Variants in SPAG16 observed in about 807,000 individuals in gnomAD.
SPAG16 encodes the protein sperm associated antigen 16.
SPAG16 carries 86 observed loss-of-function variants against 80.4 expected under a neutral mutation model. The ratio of observed to expected loss-of-function variants is 1.07; its 90% CI spans 0.90 to 1.28. SPAG16 has a LOEUF of 1.28. Among genes scored for constraint, SPAG16 ranks in the 50% most tolerant of loss-of-function variants. The probability of loss-of-function intolerance (pLI) is 0.00; values close to 1 mark genes in which losing one functional copy is unlikely to be tolerated. For missense variants in SPAG16, 870 were observed against 765.3 expected, an observed-to-expected ratio of 1.14 and a Z score of -1.61; for synonymous variants, 294 against 265.9, an observed-to-expected ratio of 1.11 and a Z score of -1.03.
intron 10 of SPAG16, among the ~76,000 whole-genome samples, chr2:213,554,352 C>T (rs2059356824): frequency 6.6e-6 from 1 of 152,236 alleles, no homozygotes; most frequent in African/African-American, 2.4e-5. Flanking sequence ...CAGTAAGTTC[C>T]CTTGCAACAA....
At chr2:213,341,458 TA>T (rs2064683295) in intron 6 of SPAG16, among the ~76,000 whole-genome samples, 1 of 152,198 alleles carries the variant, frequency 6.6e-6, no homozygotes, top group African/African-American at 2.4e-5. Context: ...TGTAAACCAT[TA>T]AATGTTTACC....
chr2:214,123,829 G>A (rs1275570475), intron 14 of SPAG16, among the ~76,000 whole-genome samples: 1 of 151,990 alleles, frequency 6.6e-6, no homozygotes, highest in Non-Finnish European at 1.5e-5. Context: ...TGACAACATG[G>A]TCCCGTGGAG....
chr2:213,516,377 G>C lies in SPAG16; in HGVS notation c.1070+26287G>C, dbSNP rs559262988. On this transcript the variant is annotated intron_variant, in intron 10 of 15. Coordinates refer to ENST00000331683, the MANE Select transcript of SPAG16 (RefSeq NM_024532.5). The stretch of plus-strand genomic sequence containing the variant: ...CATCTGATAACAAAATGAAGCCCAA[G>C]TTCTTTTGTAACATTTTATCTTTTT... Among the ~76,000 whole-genome samples the C allele has an allele frequency of 4.1e-5, 6 of 148,006 alleles. 1 individual carries two copies. The highest frequency in any genetic ancestry group is 2.0e-4 in the Admixed American group (3 of 14,788).
At chr2:213,738,043 A>T (rs1276541135) in intron 10 of SPAG16, among the ~76,000 whole-genome samples, 2 of 152,176 alleles carry the variant, frequency 1.3e-5, no homozygotes, top group Non-Finnish European at 2.9e-5. Flanking sequence ...TAAACACTTT[A>T]TAGTTTTCTA....
chr2:213,747,837 C>A (rs2067900693), intron 10 of SPAG16, among the ~76,000 whole-genome samples: 2 of 152,138 alleles, frequency 1.3e-5, no homozygotes, highest in African/African-American at 4.8e-5. Flanking sequence ...GCAGAAAGAT[C>A]ATTTATTTGT....
chr2:213,526,952 G>A (rs992465568), intron 10 of SPAG16, among the ~76,000 whole-genome samples: 4 of 152,176 alleles, frequency 2.6e-5, no homozygotes, highest in African/African-American at 9.6e-5. Flanking sequence ...GTTTTCCAGA[G>A]AAGAAGGATC....
intron 10 of SPAG16, among the ~76,000 whole-genome samples, chr2:213,713,944 C>T (rs907167360): frequency 6.6e-6 from 1 of 152,096 alleles, no homozygotes; most frequent in African/African-American, 2.4e-5. Context: ...ATTCTAGTAA[C>T]CATTCACAAA....
At chr2:213,978,012 C>T (rs73987104) in intron 12 of SPAG16, among the ~76,000 whole-genome samples, 10,178 of 151,376 alleles carry the variant, frequency 0.067, 411 homozygotes, top group African/African-American at 0.11. Context: ...TTATGATGCG[C>T]ACCCTTAAAT....
Position 213,869,291 on chromosome 2 carries a change from A to ATATATGCG in SPAG16, c.1214+6664_1214+6665insATATGCGT, listed in dbSNP as rs1449042675. The stretch of plus-strand genomic sequence containing the variant: ...TATATATATATATATGTATATATAT[A>ATATATGCG]TGTATATATATATATAATATGTATA... On this transcript the variant is annotated intron_variant, in intron 11 of 15. Coordinates refer to ENST00000331683, the MANE Select transcript of SPAG16 (RefSeq NM_024532.5). Among the ~76,000 whole-genome samples, 7 of 123,254 alleles carry ATATATGCG rather than the reference A, an allele frequency of 5.7e-5. No homozygotes were observed. In the South Asian group the frequency reaches 1.5e-3, roughly 27 times the overall value. 80.9% of individuals were successfully genotyped at this position (123,254 alleles called of 152,430 possible).
chr2:213,713,307 A>G (rs2066087937), intron 10 of SPAG16, among the ~76,000 whole-genome samples: 1 of 152,172 alleles, frequency 6.6e-6, no homozygotes, highest in African/African-American at 2.4e-5. Flanking sequence ...TTTCTTGTAA[A>G]TCGGATATGG....
At chr2:214,394,384 G>T (rs903234187) in intron 15 of SPAG16, among the ~76,000 whole-genome samples, 3 of 151,964 alleles carry the variant, frequency 2.0e-5, no homozygotes, top group South Asian at 4.1e-4. Context: ...AAATCATCTA[G>T]AGGGTTCACA....
At chr2:214,107,800 A>G (rs1285127332) in intron 13 of SPAG16, among the ~76,000 whole-genome samples, 1 of 152,010 alleles carries the variant, frequency 6.6e-6, no homozygotes, top group Non-Finnish European at 1.5e-5. Flanking sequence ...AAAAAGAGAG[A>G]CCCCACTGCC....
At chr2:214,116,784 G>C (rs2053955215) in intron 14 of SPAG16, among the ~76,000 whole-genome samples, 1 of 152,302 alleles carries the variant, frequency 6.6e-6, no homozygotes, top group East Asian at 1.9e-4. Context: ...CAGCAAACCT[G>C]GGCTGAGAGG....
chr2:213,957,478 C>T (rs527509037), intron 12 of SPAG16, among the ~76,000 whole-genome samples: 2 of 150,734 alleles, frequency 1.3e-5, no homozygotes, highest in South Asian at 4.2e-4. Flanking sequence ...TTTCAATCTA[C>T]TTGAGATTTT....
At chr2:213,650,723 A>G (rs1399697091) in intron 10 of SPAG16, among the ~76,000 whole-genome samples, 1 of 152,174 alleles carries the variant, frequency 6.6e-6, no homozygotes, top group East Asian at 1.9e-4. Flanking sequence ...AACTACCTCA[A>G]GTGAGACTAT....
chr2:213,561,556 A>G (rs1286584032), intron 10 of SPAG16, among the ~76,000 whole-genome samples: 2 of 152,170 alleles, frequency 1.3e-5, no homozygotes, highest in East Asian at 3.9e-4. Flanking sequence ...CCTACTATGT[A>G]CCCACAAAAG....
intron 9 of SPAG16, among the ~76,000 whole-genome samples, chr2:213,390,695 A>G (rs2067696980): frequency 6.6e-6 from 1 of 152,226 alleles, no homozygotes; most frequent in Non-Finnish European, 1.5e-5. Flanking sequence ...GTTTAGCAAC[A>G]TTTATTCAGA....
intron 10 of SPAG16, among the ~76,000 whole-genome samples, chr2:213,836,407 AT>A (rs1181893039): frequency 1.3e-5 from 2 of 152,072 alleles, no homozygotes; most frequent in African/African-American, 2.4e-5. Flanking sequence ...TTCAATTAAT[AT>A]TTTTTATCAA....
intron 10 of SPAG16, among the ~76,000 whole-genome samples, chr2:213,777,581 G>C (rs1020701156): frequency 6.6e-6 from 1 of 152,000 alleles, no homozygotes. Flanking sequence ...AATTTTTTAA[G>C]TATTTTTAGT....
Sources: allele counts gnomAD v4.1 joint callset (sites outside exome capture counted in the v4.1 genomes callset), GRCh38; gene constraint gnomAD v4.1.1; transcripts MANE v1.5; gene names NCBI Gene and HGNC (gene_info 2026-07-23, HGNC 2026-07-21).